CNTN6: variants seen among roughly 807,000 people sequenced by gnomAD.
CNTN6 encodes the protein contactin-6.
In CNTN6, 137 loss-of-function variants were observed where a neutral mutation model predicts 122.8. The observed-to-expected ratio is 1.12, with a 90% confidence interval of 0.97 to 1.29. CNTN6 has a LOEUF of 1.29. Among genes scored for constraint, CNTN6 ranks in the 50% most tolerant of loss-of-function variants. The pLI is 0.00. For synonymous variants in CNTN6, 570 were observed against 426.0 expected, an observed-to-expected ratio of 1.34 and a Z score of -4.16; for missense variants, 1,634 against 1,223.4, an observed-to-expected ratio of 1.34 and a Z score of -5.01.
At chr3:1,098,098 G>C (rs562350847) in intron 1 of CNTN6, among the ~76,000 whole-genome samples, 4 of 151,854 alleles carry the variant, frequency 2.6e-5, no homozygotes, top group South Asian at 4.2e-4. Flanking sequence ...TATTTGCGGG[G>C]GGGGGAGGGA....
intron 2 of CNTN6, among the ~76,000 whole-genome samples, chr3:1,175,899 G>T (rs544022466): frequency 6.6e-6 from 1 of 152,278 alleles, no homozygotes; most frequent in South Asian, 2.1e-4. Context: ...GGAGAAGAAG[G>T]AATTTGTCAA....
chr3:1,223,696 C>G (rs2094239763), intron 3 of CNTN6, among the ~76,000 whole-genome samples: 2 of 152,188 alleles, frequency 1.3e-5, no homozygotes, highest in South Asian at 4.1e-4. Context: ...AATATACTCT[C>G]TATCAGAAAA....
intron 11 of CNTN6, among the ~76,000 whole-genome samples, chr3:1,347,441 C>G (rs976268192): frequency 6.6e-6 from 1 of 152,014 alleles, no homozygotes; most frequent in African/African-American, 2.4e-5. Context: ...GGCGTTATCA[C>G]TAAACTTATT....
chr3:1,219,840 C>T (rs892254283), intron 2 of CNTN6, among the ~76,000 whole-genome samples: 2 of 151,516 alleles, frequency 1.3e-5, no homozygotes, highest in African/African-American at 2.4e-5. Flanking sequence ...CATGGTGAAA[C>T]ACCATCTCTA....
At chr3:1,237,729 G>A (rs1238108242) in intron 4 of CNTN6, among the ~76,000 whole-genome samples, 2 of 152,122 alleles carry the variant, frequency 1.3e-5, no homozygotes, top group African/African-American at 4.8e-5. Flanking sequence ...AGCTAAAAGG[G>A]ATTGGGATTC....
intron 4 of CNTN6, among the ~76,000 whole-genome samples, chr3:1,252,900 A>G (rs571401806): frequency 2.6e-5 from 4 of 152,310 alleles, no homozygotes; most frequent in Admixed American, 2.0e-4. Context: ...CCAGGGCATA[A>G]GTAATGTTCT....
intron 4 of CNTN6, among the ~76,000 whole-genome samples, chr3:1,245,138 G>C (rs1478225949): frequency 4.7e-3 from 15 of 3,218 alleles, no homozygotes; most frequent in Non-Finnish European, 8.2e-3. Flanking sequence ...ATTTGCAATA[G>C]CAAAATATGG....
chr3:1,222,422 A>C (rs60278473), intron 3 of CNTN6, among the ~76,000 whole-genome samples: 38,758 of 152,044 alleles, frequency 0.25, 5,567 homozygotes, highest in African/African-American at 0.37. Flanking sequence ...AAGAATTCCT[A>C]TAACATTTTT....
At chr3:1,150,486 A>G (rs1351283434) in intron 2 of CNTN6, among the ~76,000 whole-genome samples, 1 of 152,162 alleles carries the variant, frequency 6.6e-6, no homozygotes, top group African/African-American at 2.4e-5. Flanking sequence ...TGCTTTTACT[A>G]TAGTCATGGC....
intron 2 of CNTN6, among the ~76,000 whole-genome samples, chr3:1,195,984 T>A (rs986301391): frequency 6.6e-6 from 1 of 152,196 alleles, no homozygotes; most frequent in South Asian, 2.1e-4. Flanking sequence ...TTGTCCAGTA[T>A]GAAAAAGTGC....
At chr3:1,300,631 GAT>G (rs1697222608) in intron 7 of CNTN6, among the ~76,000 whole-genome samples, 1 of 151,324 alleles carries the variant, frequency 6.6e-6, no homozygotes, top group African/African-American at 2.4e-5. Context: ...GAAAAGGAGA[GAT>G]AACATGATCA....
intron 5 of CNTN6, among the ~76,000 whole-genome samples, chr3:1,283,262 C>G (rs531768039): frequency 2.0e-4 from 30 of 152,214 alleles, no homozygotes; most frequent in African/African-American, 6.3e-4. Context: ...GCCCACAAAA[C>G]TTATTTAGTA....
At position 1,295,770 on chromosome 3, in the gene CNTN6, A is replaced by G. The variant is rs893109945; in HGVS notation, c.624A>G (p.Gln208=). 6.2e-7 allele frequency: 1 copy of G among 1,614,036 alleles called. No individual in the cohort carries two copies. The stretch of plus-strand genomic sequence containing the variant: ...ACAAAGAGGCCCAGAGAAGTGTTCA[A>G]GGTCCACCCACTCCATTAGTGCAGC... ...ITNKEAQRSV[Q]GPPTPLVQRT... Residue 208 remains glutamine, a synonymous_variant, in exon 6 of 23, where the codon CAA becomes CAG. Coordinates refer to ENST00000446702, the MANE Select transcript of CNTN6 (RefSeq NM_001289080.2).
chr3:1,296,996 T>G (rs1287505066), intron 6 of CNTN6, among the ~76,000 whole-genome samples: 5 of 152,118 alleles, frequency 3.3e-5, no homozygotes, highest in African/African-American at 9.6e-5. Flanking sequence ...CAAACCTATT[T>G]TAAAAGTGAG....
At chr3:1,143,299 G>T (rs1162043017) in intron 1 of CNTN6, among the ~76,000 whole-genome samples, 1 of 152,052 alleles carries the variant, frequency 6.6e-6, no homozygotes, top group African/African-American at 2.4e-5. Context: ...TTTCATGCAA[G>T]AAAAAGTAAA....
chr3:1,256,733 T>C (rs1232719937), intron 4 of CNTN6, among the ~76,000 whole-genome samples: 1 of 152,162 alleles, frequency 6.6e-6, no homozygotes, highest in Non-Finnish European at 1.5e-5. Context: ...GATATGTTCA[T>C]GGTTTTAAAT....
intron 3 of CNTN6, among the ~76,000 whole-genome samples, chr3:1,225,702 T>A (rs1015465661): frequency 0.011 from 1,309 of 116,412 alleles, 22 homozygotes; most frequent in African/African-American, 0.056. Flanking sequence ...TATTATTGTT[T>A]TTTTTTTTTT....
intron 4 of CNTN6, among the ~76,000 whole-genome samples, chr3:1,274,443 G>C (rs1172804796): frequency 6.6e-6 from 1 of 152,006 alleles, no homozygotes; most frequent in South Asian, 2.1e-4. Context: ...ACGGGAAGGG[G>C]GTGTAGTTGA....
intron 4 of CNTN6, among the ~76,000 whole-genome samples, chr3:1,242,344 T>C (rs575213597): frequency 1.3e-5 from 2 of 150,932 alleles, no homozygotes; most frequent in African/African-American, 4.9e-5. Context: ...GACAAAAGAG[T>C]GTAGGGGTTG....
Sources: gnomAD v4.1 joint callset for allele counts (sites outside exome capture counted in the v4.1 genomes callset) on GRCh38, gnomAD v4.1.1 for gene constraint, MANE v1.5 for transcripts, NCBI Gene and HGNC (gene_info 2026-07-23, HGNC 2026-07-21) for gene names.